Variants in BANP observed in about 807,000 individuals in gnomAD.
The protein encoded by BANP is protein BANP.
In BANP, 11 loss-of-function variants were observed where a neutral mutation model predicts 68.1. The observed-to-expected ratio is 0.16, with a 90% CI of 0.10 to 0.27. BANP has a LOEUF of 0.27. Among genes scored for constraint, BANP ranks in the 10% least tolerant of loss-of-function variants. BANP has a pLI of 1.00. For synonymous variants in BANP, 329 were observed against 303.2 expected (o/e 1.09, Z -0.88); for missense variants, 504 against 722.7 (o/e 0.70, Z 3.47).
intron 13 of BANP, among the ~76,000 whole-genome samples, chr16:88,073,673 G>C (rs908881226): frequency 2.6e-5 from 4 of 152,212 alleles, no homozygotes; most frequent in African/African-American, 9.6e-5. Context: ...CCGAGGACGC[G>C]TGGCAGCCCC....
intron 4 of BANP, among the ~76,000 whole-genome samples, chr16:87,987,443 G>T (rs900264917): frequency 3.2e-4 from 49 of 152,158 alleles, no homozygotes; most frequent in African/African-American, 1.1e-3. Context: ...AAAGAAGGAG[G>T]CTGGGTGCGA....
At chr16:88,048,471 G>A (rs762225729) in intron 11 of BANP, among the ~76,000 whole-genome samples, 2 of 151,884 alleles carry the variant, frequency 1.3e-5, no homozygotes, top group Admixed American at 6.6e-5. Context: ...AAAGGACATC[G>A]ATTCTAACAG....
At chr16:87,994,497 A>G (rs1425585018) in intron 4 of BANP, among the ~76,000 whole-genome samples, 1 of 152,210 alleles carries the variant, frequency 6.6e-6, no homozygotes, top group Non-Finnish European at 1.5e-5. Flanking sequence ...ACATTAGGTT[A>G]GTCCCGCTTC....
chr16:87,992,762 C>G (rs995540011), intron 4 of BANP, among the ~76,000 whole-genome samples: 17 of 151,256 alleles, frequency 1.1e-4, no homozygotes, highest in African/African-American at 4.2e-4. Flanking sequence ...CCACTGCACT[C>G]CAGCCTGGGA....
rs1429473843 is a variant in BANP at position 87,985,721 on chromosome 16, G to T, written c.362+1462G>T. Among the ~76,000 whole-genome samples the T allele has an allele frequency of 3.3e-5, 5 of 152,230 alleles. No homozygotes were observed. The East Asian group carries it at 9.6e-4, about 29-fold the overall frequency. On this transcript the variant is annotated intron_variant, in intron 4 of 13. Coordinates refer to ENST00000682872, the MANE Select transcript of BANP (RefSeq NM_001386991.1). ...AGCCGGACGTCCCACCTGGTATGTT[G>T]CGTCCTGGTGACCGGGGGGCAGTCC...
Position 88,004,491 on chromosome 16 carries a change from G to C in BANP, c.479+80G>C, listed in dbSNP as rs574096745. 2.6e-4 allele frequency: 214 copies of C among 813,498 alleles called. 2 individuals are homozygous for C. In the Admixed American group the frequency reaches 4.8e-3, roughly 18 times the overall value. The allele number at this position is 813,498 out of a possible 1,614,324, so 50.4% of individuals were successfully genotyped here. On this transcript the variant is annotated intron_variant, in intron 5 of 13. Transcript: ENST00000682872. The surrounding 1 kb of genome is among the most constrained non-coding windows in gnomAD (Gnocchi z 7.0). ...AGAATAAGTCAACGTCCCTAAGCCA[G>C]GGCACAGTCCAGCACACGCTTCATC...
intron 8 of BANP, among the ~76,000 whole-genome samples, chr16:88,029,350 A>T (rs571913378): frequency 1.1e-4 from 16 of 146,304 alleles, no homozygotes; most frequent in African/African-American, 4.1e-4. Context: ...TGGCTCACGC[A>T]TGTAATCCCA....
At chr16:88,061,846 A>G (rs9939928) in intron 11 of BANP, among the ~76,000 whole-genome samples, 72,551 of 151,708 alleles carry the variant, frequency 0.48, 20,434 homozygotes, top group Non-Finnish European at 0.66. Flanking sequence ...TGTATTTTTA[A>G]TGGAGACGGG....
At chr16:88,009,861 T>G (rs543097635) in intron 6 of BANP, among the ~76,000 whole-genome samples, 1 of 144,778 alleles carries the variant, frequency 6.9e-6, no homozygotes, top group African/African-American at 2.8e-5. Context: ...TTGAAAGCAG[T>G]GAACAGTAGA....
chr16:88,054,788 G>A (rs551192636), intron 11 of BANP, among the ~76,000 whole-genome samples: 1 of 152,334 alleles, frequency 6.6e-6, no homozygotes, highest in South Asian at 2.1e-4. Context: ...TGTAGGCCTT[G>A]AGTAGTAGCT....
chr16:87,966,351 A>G (rs2060019342), intron 1 of BANP, among the ~76,000 whole-genome samples: 1 of 152,210 alleles, frequency 6.6e-6, no homozygotes, highest in South Asian at 2.1e-4. Flanking sequence ...TTGCTTGAGC[A>G]TTAGTCTCAG....
intron 11 of BANP, among the ~76,000 whole-genome samples, chr16:88,049,403 GCA>G (rs1216808643): frequency 6.6e-6 from 1 of 152,172 alleles, no homozygotes; most frequent in African/African-American, 2.4e-5. Context: ...CCTTCCCTGG[GCA>G]CCATCCTCCA....
chr16:88,027,701 G>C (rs2077266825), intron 8 of BANP, 51 bp downstream of exon 8: 1 of 1,603,070 alleles, frequency 6.2e-7, no homozygotes. Flanking sequence ...GGGGCAGCTG[G>C]CCTGGTGGCA....
intron 12 of BANP, among the ~76,000 whole-genome samples, chr16:88,068,522 A>C (rs1599097271): frequency 6.6e-6 from 1 of 152,050 alleles, no homozygotes; most frequent in East Asian, 1.9e-4. Context: ...TTTTCCCGGA[A>C]CTTTCTCGGG....
chr16:88,028,002 G>C lies in BANP; in HGVS notation c.1063+352G>C, dbSNP rs1000767631. 9.2e-5 allele frequency among the ~76,000 whole-genome samples: 14 copies of C among 152,358 alleles called. No homozygotes were observed. The East Asian group carries it at 9.7e-4, about 11-fold the overall frequency. ...CCGGGTGACTCCGGGTGAAGAAGTGGGGTGGATTCTGAATTATGCTTTATT... is the reference window on the plus strand; with the variant it reads ...CCGGGTGACTCCGGGTGAAGAAGTGCGGTGGATTCTGAATTATGCTTTATT... On this transcript the variant is annotated intron_variant, in intron 8 of 13. Transcript: ENST00000682872.
chr16:88,005,272 A>T (rs1483774243), intron 5 of BANP, among the ~76,000 whole-genome samples: 1 of 152,160 alleles, frequency 6.6e-6, no homozygotes, highest in Non-Finnish European at 1.5e-5. Flanking sequence ...TGTTGAGATC[A>T]GGTTCAGCGT....
At chr16:88,056,395 C>G in intron 11 of BANP, among the ~76,000 whole-genome samples, 1 of 151,786 alleles carries the variant, frequency 6.6e-6, no homozygotes, top group East Asian at 1.9e-4. Context: ...GTAGAAGAAT[C>G]TTTAAGTCAG....
rs141886190 is a variant in BANP, at chr16:88,064,025, G to C, written c.1312-1242G>C. On this transcript the variant is annotated intron_variant, in intron 11 of 13. Coordinates refer to ENST00000682872, the MANE Select transcript of BANP (RefSeq NM_001386991.1). The surrounding 1 kb of genome is among the most constrained non-coding windows in gnomAD (Gnocchi z 4.5). ...TGTACACTTAAGATTCGAAGAAAGA[G>C]GTACCGGGGCTTTTGTGGGGAACAA... 5.1e-3 allele frequency among the ~76,000 whole-genome samples: 781 copies of C among 152,312 alleles called. 6 individuals are homozygous for C. The highest frequency in any genetic ancestry group is 0.012 in the African/African-American group (486 of 41,566).
intron 5 of BANP, among the ~76,000 whole-genome samples, chr16:88,005,586 A>ATCTC (rs2070770907): frequency 6.6e-6 from 1 of 152,014 alleles, no homozygotes; most frequent in South Asian, 2.1e-4. Context: ...CTCCGATGGG[A>ATCTC]TCTCAGTGGG....
Sources: gnomAD v4.1 joint callset for allele counts (sites outside exome capture counted in the v4.1 genomes callset) on GRCh38, gnomAD v4.1.1 for gene constraint, Gnocchi (gnomAD v3.1) non-coding constraint, MANE v1.5 for transcripts, NCBI Gene and HGNC (gene_info 2026-07-23, HGNC 2026-07-21) for gene names.